Variants in FGF14 observed in about 807,000 individuals in gnomAD.
The protein encoded by FGF14 is fibroblast growth factor 14, also known as fibroblast growth factor homologous factor 4.
A neutral mutation model predicts 25.5 loss-of-function variants in FGF14; 5 were observed. The ratio of observed to expected loss-of-function variants is 0.20; its 90% confidence interval spans 0.10 to 0.41. The LOEUF is 0.41. FGF14 is among the 10% of genes least tolerant of loss of function. The pLI is 1.00. For missense variants in FGF14, 222 were observed against 320.1 expected (o/e 0.69, Z 2.34); for synonymous variants, 138 against 118.3 (o/e 1.17, Z -1.08).
At chr13:101,907,846 C>T (rs1308817568) in intron 1 of FGF14, among the ~76,000 whole-genome samples, 1 of 151,956 alleles carries the variant, frequency 6.6e-6, no homozygotes, top group Non-Finnish European at 1.5e-5. Flanking sequence ...ATTGATTTCC[C>T]TGAGTAGGAG....
At chr13:102,249,769 T>C (rs979514240) in intron 1 of FGF14, among the ~76,000 whole-genome samples, 1 of 152,202 alleles carries the variant, frequency 6.6e-6, no homozygotes, top group Non-Finnish European at 1.5e-5. Context: ...AGCAACAGTC[T>C]TGGGAAACTC....
intron 1 of FGF14, among the ~76,000 whole-genome samples, chr13:102,047,829 TA>T (rs535181398): frequency 2.6e-4 from 39 of 151,924 alleles, no homozygotes; most frequent in African/African-American, 8.9e-4. Context: ...TAAAGTATAA[TA>T]AAAAAAATCA....
At chr13:102,005,267 G>T (rs2039720560) in intron 1 of FGF14, among the ~76,000 whole-genome samples, 2 of 152,130 alleles carry the variant, frequency 1.3e-5, no homozygotes, top group Admixed American at 6.5e-5. Flanking sequence ...TCCCTACATG[G>T]ATATATAATC....
chr13:102,145,053 C>G (rs1156610614), intron 1 of FGF14, among the ~76,000 whole-genome samples: 2 of 152,098 alleles, frequency 1.3e-5, no homozygotes, highest in East Asian at 1.9e-4. Flanking sequence ...TGCTATCTGA[C>G]TAATGTGATG....
chr13:102,227,094 G>T (rs1461646053), intron 1 of FGF14, among the ~76,000 whole-genome samples: 1 of 151,794 alleles, frequency 6.6e-6, no homozygotes, highest in Non-Finnish European at 1.5e-5. Flanking sequence ...TTTCTTCCCA[G>T]TTTAATATTT....
chr13:102,020,005 C>A (rs2040551155), intron 1 of FGF14, among the ~76,000 whole-genome samples: 1 of 152,104 alleles, frequency 6.6e-6, no homozygotes, highest in Non-Finnish European at 1.5e-5. Context: ...TGAAAGACTG[C>A]ATTGTGTAAC....
At chr13:102,031,595 A>G (rs1007073793) in intron 1 of FGF14, among the ~76,000 whole-genome samples, 1 of 152,044 alleles carries the variant, frequency 6.6e-6, no homozygotes, top group Non-Finnish European at 1.5e-5. Flanking sequence ...AAAAGACCAA[A>G]AATCTATATT....
chr13:101,902,266 A>G (rs2031662470), intron 1 of FGF14, among the ~76,000 whole-genome samples: 1 of 151,872 alleles, frequency 6.6e-6, no homozygotes, highest in African/African-American at 2.4e-5. Context: ...TTATTATATT[A>G]TTATTTTCTG....
intron 3 of FGF14, among the ~76,000 whole-genome samples, chr13:101,788,777 T>C (rs2040000440): frequency 6.6e-6 from 1 of 150,602 alleles, no homozygotes. Context: ...GCCCTACTTG[T>C]TAGGATTTTG....
chr13:102,268,530 T>C (rs1430712578), intron 1 of FGF14, among the ~76,000 whole-genome samples: 4 of 152,060 alleles, frequency 2.6e-5, no homozygotes, highest in Non-Finnish European at 5.9e-5. Flanking sequence ...ATGTCTAGAA[T>C]AATATATGCA....
At chr13:102,094,000 G>C (rs1259072078) in intron 1 of FGF14, among the ~76,000 whole-genome samples, 1 of 149,370 alleles carries the variant, frequency 6.7e-6, no homozygotes, top group Non-Finnish European at 1.5e-5. Flanking sequence ...ACTCTAATAT[G>C]ATTCAAGAAA....
chr13:102,075,728 T>C (rs1161391968), intron 1 of FGF14, among the ~76,000 whole-genome samples: 2 of 152,180 alleles, frequency 1.3e-5, no homozygotes, highest in Non-Finnish European at 2.9e-5. Flanking sequence ...AAGAAGGCAT[T>C]GTTATCATAG....
chr13:102,173,380 G>A (rs930808375), intron 1 of FGF14, among the ~76,000 whole-genome samples: 1 of 152,080 alleles, frequency 6.6e-6, no homozygotes, highest in African/African-American at 2.4e-5. Flanking sequence ...CTGTTAGTAG[G>A]AATGTAAAAT....
chr13:102,079,357 ATT>A (rs920853175), intron 1 of FGF14, among the ~76,000 whole-genome samples: 1 of 152,166 alleles, frequency 6.6e-6, no homozygotes, highest in African/African-American at 2.4e-5. Flanking sequence ...GAGTTTGCAC[ATT>A]TTCTTTCCCA....
chr13:101,891,076 A>G (rs1014599061), intron 1 of FGF14, among the ~76,000 whole-genome samples: 5 of 152,274 alleles, frequency 3.3e-5, no homozygotes, highest in Admixed American at 2.6e-4. Flanking sequence ...TTCTTTTGCT[A>G]TTTATTTTCA....
At chr13:101,905,137 G>C (rs2032075364) in intron 1 of FGF14, among the ~76,000 whole-genome samples, 1 of 152,174 alleles carries the variant, frequency 6.6e-6, no homozygotes. Context: ...GGCAGATCTG[G>C]AGAAGGCTCT....
At position 102,069,662 on chromosome 13, in the gene FGF14, C is replaced by G. The variant is rs540576708; in HGVS notation, c.209-194366G>C. ...CTGACCACAAAGGTCTGCAGCTTCA[C>G]TCCTGAGCCAGCGAGACCACGAACC... On this transcript the variant is annotated intron_variant, in intron 1 of 4. Transcript: ENST00000376131. Among the ~76,000 whole-genome samples the G allele has an allele frequency of 2.6e-5, 4 of 152,272 alleles. No homozygotes were observed. In the South Asian group the frequency reaches 8.3e-4, roughly 32 times the overall value.
At chr13:101,731,909 C>T (rs916838829) in intron 3 of FGF14, among the ~76,000 whole-genome samples, 5 of 152,182 alleles carry the variant, frequency 3.3e-5, no homozygotes, top group African/African-American at 7.2e-5. Flanking sequence ...CGAGAAAGAT[C>T]TTTATGGCTC....
At chr13:102,161,665 A>T (rs866483534) in intron 1 of FGF14, among the ~76,000 whole-genome samples, 4,067 of 42,954 alleles carry the variant, frequency 0.095, 416 homozygotes, top group Middle Eastern at 0.2. Flanking sequence ...GAAGAAGAAG[A>T]AGAAGAAGAA....
Sources: allele counts gnomAD v4.1 joint callset (sites outside exome capture counted in the v4.1 genomes callset), GRCh38; gene constraint gnomAD v4.1.1; transcripts MANE v1.5; gene names NCBI Gene and HGNC (gene_info 2026-07-23, HGNC 2026-07-21).